POT1: variants seen among roughly 807,000 people sequenced by gnomAD.
The protein encoded by POT1 is protection of telomeres 1, also known as protection of telomeres protein 1.
A neutral mutation model predicts 78.5 loss-of-function variants in POT1; 47 were observed. That is an observed-to-expected ratio of 0.60 (90% CI 0.47 to 0.76). The LOEUF is 0.76. POT1 is among the 30% of genes least tolerant of loss of function. The pLI is 0.00. For missense variants in POT1, 646 were observed against 749.9 expected (o/e 0.86, Z 1.62); for synonymous variants, 259 against 260.7 (o/e 0.99, Z 0.06).
chr7:124,907,209 A>G (rs1319464912), intron 3 of POT1, among the ~76,000 whole-genome samples: 3 of 152,160 alleles, frequency 2.0e-5, no homozygotes, highest in Non-Finnish European at 2.9e-5. Flanking sequence ...AGATACTTCA[A>G]TATTAGCAAA....
Position 124,863,652 on chromosome 7 carries a change from G to A in POT1, c.256-12C>T, listed in dbSNP as rs765836424. On this transcript the variant is annotated splice_polypyrimidine_tract_variant and intron_variant, in intron 7 of 18. Transcript: ENST00000357628. Reference sequence around the variant, plus strand: ...TTATATACTTGAATCTAAGAAAGTAGGGCAAAGTAGAAAACAGATACAAAT... The same window carrying A: ...TTATATACTTGAATCTAAGAAAGTAAGGCAAAGTAGAAAACAGATACAAAT... The A allele has an allele frequency of 2.2e-5, 35 of 1,589,074 alleles. No homozygotes were observed. In the Middle Eastern group the frequency reaches 5.1e-4, roughly 23 times the overall value.
intron 3 of POT1, among the ~76,000 whole-genome samples, chr7:124,907,339 T>G (rs77447598): frequency 0.01 from 1,567 of 152,204 alleles, 27 homozygotes; most frequent in African/African-American, 0.035. Flanking sequence ...GAATATTTAC[T>G]GCAAACCAGT....
At chr7:124,863,676 A>C (rs752969964) in intron 7 of POT1, 36 bp from the exon 8 acceptor site, 1 of 1,484,318 alleles carries the variant, frequency 6.7e-7, no homozygotes, top group Non-Finnish European at 9.2e-7. Flanking sequence ...ACAGATACAA[A>C]TAAAATAGCT....
At chr7:124,857,731 G>A (rs969920302) in intron 9 of POT1, among the ~76,000 whole-genome samples, 1 of 152,090 alleles carries the variant, frequency 6.6e-6, no homozygotes, top group Non-Finnish European at 1.5e-5. Flanking sequence ...CATCAGTAAT[G>A]AAATCCCCTG....
chr7:124,888,126 T>A (rs1175676020), intron 6 of POT1, among the ~76,000 whole-genome samples: 2 of 152,142 alleles, frequency 1.3e-5, no homozygotes, highest in Admixed American at 6.6e-5. Context: ...AAGTCTTTAA[T>A]CCACATTGAA....
chr7:124,871,094 T>C (rs1015774940), intron 6 of POT1, 53 bp from the exon 7 acceptor site: 17 of 1,475,346 alleles, frequency 1.2e-5, no homozygotes, highest in Non-Finnish European at 1.6e-5. Flanking sequence ...AAGCATTTGA[T>C]AAAATAAGAA....
At chr7:124,850,741 C>T (rs1327833598) in intron 11 of POT1, among the ~76,000 whole-genome samples, 2 of 151,166 alleles carry the variant, frequency 1.3e-5, no homozygotes, top group Non-Finnish European at 3.0e-5. Flanking sequence ...CAAAAAAAAA[C>T]AAAACAAACA....
chr7:124,924,535 T>C (rs1287044297), intron 2 of POT1, among the ~76,000 whole-genome samples: 2 of 151,872 alleles, frequency 1.3e-5, no homozygotes, highest in African/African-American at 4.8e-5. Context: ...ACAGCCTAGA[T>C]GTACAAAACA....
chr7:124,855,678 A>C (rs753902629), intron 9 of POT1, among the ~76,000 whole-genome samples: 4 of 151,528 alleles, frequency 2.6e-5, no homozygotes. Context: ...AACTAGAAAC[A>C]CTAAAAAAAA....
chr7:124,855,622 AC>A (rs1795429308), intron 9 of POT1, among the ~76,000 whole-genome samples: 1 of 151,856 alleles, frequency 6.6e-6, no homozygotes, highest in Non-Finnish European at 1.5e-5. Context: ...TTATAAAAAT[AC>A]AGTTTAAAAA....
At chr7:124,903,711 C>A (rs1321226880) in intron 3 of POT1, among the ~76,000 whole-genome samples, 5 of 152,066 alleles carry the variant, frequency 3.3e-5, no homozygotes, top group African/African-American at 1.2e-4. Flanking sequence ...ACAAAAAACC[C>A]TTCAAAAAAT....
At chr7:124,917,272 A>G (rs1285635156) in intron 2 of POT1, among the ~76,000 whole-genome samples, 2 of 152,164 alleles carry the variant, frequency 1.3e-5, no homozygotes, top group African/African-American at 4.8e-5. Context: ...GCTCTTGAGC[A>G]GGGAGGAGAT....
At chr7:124,913,054 G>A (rs1442620420) in intron 3 of POT1, among the ~76,000 whole-genome samples, 3 of 152,196 alleles carry the variant, frequency 2.0e-5, no homozygotes, top group Non-Finnish European at 1.5e-5. Flanking sequence ...TAGGCAAAGA[G>A]AGAGCTTGTG....
chr7:124,902,734 T>C (rs548761438), intron 3 of POT1, among the ~76,000 whole-genome samples: 16 of 152,200 alleles, frequency 1.1e-4, no homozygotes, highest in African/African-American at 2.9e-4. Context: ...GAATGGCAAA[T>C]TGGATAAATC....
intron 2 of POT1, among the ~76,000 whole-genome samples, chr7:124,928,348 A>G (rs1797325739): frequency 6.6e-6 from 1 of 152,182 alleles, no homozygotes; most frequent in Non-Finnish European, 1.5e-5. Context: ...TAGCTTTTAG[A>G]GTAATATCCA....
At chr7:124,837,092 A>G (rs1794916832) in intron 14 of POT1, 2 of 169,084 alleles carry the variant, frequency 1.2e-5, no homozygotes, top group Middle Eastern at 5.5e-4. Context: ...TGGAGACAGA[A>G]AGGCCTAAGT....
chr7:124,886,756 C>T (rs1456540133), intron 6 of POT1, among the ~76,000 whole-genome samples: 1 of 152,028 alleles, frequency 6.6e-6, no homozygotes, highest in East Asian at 1.9e-4. Context: ...AATACATATT[C>T]TTGTTCCCCA....
intron 12 of POT1, among the ~76,000 whole-genome samples, chr7:124,846,458 G>A (rs201704095): frequency 1.3e-5 from 2 of 152,018 alleles, no homozygotes; most frequent in South Asian, 2.1e-4. Flanking sequence ...CTTAGCTGAT[G>A]TAGCAGAAGG....
At chr7:124,874,069 C>A (rs1392549067) in intron 6 of POT1, among the ~76,000 whole-genome samples, 1 of 152,194 alleles carries the variant, frequency 6.6e-6, no homozygotes, top group Non-Finnish European at 1.5e-5. Flanking sequence ...TGACTTCAGG[C>A]AGCATCTTTG....
Sources: allele counts gnomAD v4.1 joint callset (sites outside exome capture counted in the v4.1 genomes callset), GRCh38; gene constraint gnomAD v4.1.1; transcripts MANE v1.5; gene names NCBI Gene and HGNC (gene_info 2026-07-23, HGNC 2026-07-21).